The following TENM3 variants were observed in gnomAD, a reference collection of about 807,000 sequenced individuals.
The protein encoded by TENM3 is teneurin-3.
A neutral mutation model predicts 255.1 loss-of-function variants in TENM3; 63 were observed. The ratio of observed to expected loss-of-function variants is 0.25; its 90% CI spans 0.20 to 0.30. The LOEUF is 0.30. Among genes scored for constraint, TENM3 ranks in the 10% least tolerant of loss-of-function variants. The pLI is 1.00. For missense variants in TENM3, 2,929 were observed against 3,461.1 expected (o/e 0.85, Z 3.86); for synonymous variants, 1,306 against 1,322.3 (o/e 0.99, Z 0.27).
the TENM3 span, among the ~76,000 whole-genome samples, chr4:181,772,029 C>A: frequency 6.6e-6 from 1 of 152,202 alleles, no homozygotes. Context: ...GTAAATAGCA[C>A]AACACGTACT....
chr4:181,705,561 T>G, the TENM3 span, among the ~76,000 whole-genome samples: 1 of 152,192 alleles, frequency 6.6e-6, no homozygotes, highest in Non-Finnish European at 1.5e-5. Flanking sequence ...ACATTCAATC[T>G]TAAGATCTCT....
chr4:182,558,647 C>CA (rs1560921261), intron 3 of TENM3, among the ~76,000 whole-genome samples: 2 of 151,976 alleles, frequency 1.3e-5, no homozygotes, highest in East Asian at 1.9e-4. Flanking sequence ...TGCAACAAAA[C>CA]AAAAAAGATA....
intron 1 of TENM3, among the ~76,000 whole-genome samples, chr4:182,228,392 G>GTGTA (rs139457090): frequency 0.013 from 1,352 of 104,484 alleles, 139 homozygotes; most frequent in South Asian, 0.021. Context: ...GTGTGTGTGT[G>GTGTA]TATATGTAAT....
intron 5 of TENM3, among the ~76,000 whole-genome samples, chr4:182,651,145 C>G (rs1036737896): frequency 1.3e-5 from 2 of 151,878 alleles, no homozygotes; most frequent in African/African-American, 4.8e-5. Flanking sequence ...AACTTTGACC[C>G]TCTTGGAATA....
At chr4:182,671,067 C>G (rs951277821) in intron 6 of TENM3, among the ~76,000 whole-genome samples, 1 of 152,148 alleles carries the variant, frequency 6.6e-6, no homozygotes, top group African/African-American at 2.4e-5. Flanking sequence ...CCTCCACAGA[C>G]AGATGCCACG....
At chr4:181,828,560 A>G in the TENM3 span, among the ~76,000 whole-genome samples, 1 of 152,240 alleles carries the variant, frequency 6.6e-6, no homozygotes, top group East Asian at 1.9e-4. Context: ...ACAACACTTG[A>G]ACCCAGGATT....
At position 182,709,295 on chromosome 4, in the gene TENM3, T is replaced by G. The variant is rs79038590; in HGVS notation, c.2222-4792T>G. Among the ~76,000 whole-genome samples the G allele has an allele frequency of 7.9e-5, 12 of 152,290 alleles. No individual in the cohort carries two copies. In the East Asian group the frequency reaches 1.9e-3, roughly 25 times the overall value. ...ACCGCATCCAGCTCTGGAAAATAGT[T>G]TTTTTAATGGTTCCCATTTTATATG... On this transcript the variant is annotated intron_variant, in intron 12 of 27. Coordinates refer to ENST00000511685, the MANE Select transcript of TENM3 (RefSeq NM_001080477.4).
At chr4:182,621,751 T>C (rs868693796) in intron 4 of TENM3, among the ~76,000 whole-genome samples, 1 of 20,772 alleles carries the variant, frequency 4.8e-5, no homozygotes, top group Non-Finnish European at 1.3e-4. Flanking sequence ...TATAATATAT[T>C]ATAATATATA....
chr4:182,743,138 A>G lies in TENM3; in HGVS notation c.3380-32A>G. On this transcript the variant is annotated intron_variant, in intron 18 of 27. Coordinates refer to ENST00000511685, the MANE Select transcript of TENM3 (RefSeq NM_001080477.4). ...CTTTTCATCTTTACACTTTTTCATC[A>G]TAAGAAAAACAATGCACTTTATTTC... is the stretch of plus-strand genomic sequence containing the variant. 3 of 1,562,260 alleles carry G rather than the reference A, an allele frequency of 1.9e-6. 1 individual carries two copies. Among genetic ancestry groups the G allele is most frequent in the Non-Finnish European group, 2.6e-6 (3 of 1,149,368 alleles).
At chr4:182,625,044 G>A (rs776687488) in intron 4 of TENM3, among the ~76,000 whole-genome samples, 3 of 152,142 alleles carry the variant, frequency 2.0e-5, no homozygotes, top group Non-Finnish European at 4.4e-5. Flanking sequence ...ATTCTTCACC[G>A]CATTATGGTG....
rs149392780 is a variant in TENM3, at chr4:182,356,114, C to T, written c.511+9185C>T. Among the ~76,000 whole-genome samples, 684 of 151,186 alleles carry T rather than the reference C, an allele frequency of 4.5e-3. 2 individuals are homozygous for T. Among genetic ancestry groups the T allele is most frequent in the African/African-American group, 0.011 (439 of 40,758 alleles). On this transcript the variant is annotated intron_variant, in intron 3 of 27. Transcript: ENST00000511685. Reference sequence around the variant, plus strand: ...ATAGATGAAGCACCAATAAAAGAAACGAAGGACCTTTTATAGAGGCAAAAA... The same window carrying T: ...ATAGATGAAGCACCAATAAAAGAAATGAAGGACCTTTTATAGAGGCAAAAA...
rs754751329 is a variant in TENM3, at chr4:182,793,196, A to G, written c.6524A>G (p.Tyr2175Cys). 1 of 1,613,994 alleles carries G rather than the reference A, an allele frequency of 6.2e-7. No homozygotes were observed. Among genetic ancestry groups the G allele is most frequent in the Non-Finnish European group, 8.5e-7 (1 of 1,179,880 alleles). Residue 2175 changes from tyrosine to cysteine, a missense_variant, in exon 26 of 28, where the codon TAT (tyrosine) becomes TGT (cysteine). Coordinates refer to ENST00000511685, the MANE Select transcript of TENM3 (RefSeq NM_001080477.4). This position sits in a 1 kb window ranked among gnomAD's most constrained non-coding sequence, Gnocchi z 5.7. ...AGTGCGCGTCTGACACCCCTTCGCT[A>G]TGACCTGCGAGACAGAATCACTCGA... ...SNSARLTPLR[Y>C]DLRDRITRLG...
chr4:182,299,912 C>CT (rs796408014), intron 1 of TENM3, among the ~76,000 whole-genome samples: 24,618 of 143,058 alleles, frequency 0.17, 2,200 homozygotes, highest in Middle Eastern at 0.29. Context: ...TCAAGTAGAT[C>CT]TTTTTTTTTT....
the TENM3 span, among the ~76,000 whole-genome samples, chr4:181,893,241 A>G: frequency 1.1e-4 from 16 of 152,220 alleles, no homozygotes; most frequent in Non-Finnish European, 1.5e-4. Flanking sequence ...AAATGTAAGA[A>G]TTAATGTCTA....
chr4:182,772,509 T>C (rs965335129), intron 22 of TENM3: 1 of 152,144 alleles, frequency 6.6e-6, no homozygotes, highest in Non-Finnish European at 1.5e-5. Context: ...TTTAGTATAT[T>C]GTGGTCCCAA....
the TENM3 span, among the ~76,000 whole-genome samples, chr4:182,047,093 T>A: frequency 6.6e-6 from 1 of 151,922 alleles, no homozygotes; most frequent in South Asian, 2.1e-4. Flanking sequence ...GACTAGAAAG[T>A]TCTGCTTTAG....
the TENM3 span, among the ~76,000 whole-genome samples, chr4:181,882,618 A>G: frequency 6.6e-6 from 1 of 152,236 alleles, no homozygotes; most frequent in Non-Finnish European, 1.5e-5. Context: ...GACACCTGGC[A>G]TTGAAGACCT....
chr4:182,744,890 A>C (rs763609427), intron 19 of TENM3, among the ~76,000 whole-genome samples: 4 of 152,208 alleles, frequency 2.6e-5, no homozygotes, highest in Non-Finnish European at 5.9e-5. Context: ...TAGCTGCAGA[A>C]GATACAATAA....
chr4:181,511,500 G>A, the TENM3 span, among the ~76,000 whole-genome samples: 9,874 of 152,098 alleles, frequency 0.065, 395 homozygotes, highest in South Asian at 0.14. Flanking sequence ...TCCCTCCCTC[G>A]TAAGAGACAT....
Sources: gnomAD v4.1 joint callset for allele counts (sites outside exome capture counted in the v4.1 genomes callset) on GRCh38, gnomAD v4.1.1 for gene constraint, Gnocchi (gnomAD v3.1) non-coding constraint, MANE v1.5 for transcripts, NCBI Gene and HGNC (gene_info 2026-07-23, HGNC 2026-07-21) for gene names.